DAB2IP: variants seen among roughly 807,000 people sequenced by gnomAD.
DAB2IP encodes the protein disabled homolog 2-interacting protein.
DAB2IP carries 28 observed loss-of-function variants against 107.2 expected under a neutral mutation model. That is an observed-to-expected ratio of 0.26 (90% confidence interval 0.19 to 0.36). The LOEUF (loss-of-function observed/expected upper bound fraction) is 0.36, where lower values mean the gene tolerates loss of function less well. Among genes scored for constraint, DAB2IP ranks in the 10% least tolerant of loss-of-function variants. The probability of loss-of-function intolerance (pLI) is 1.00; values close to 1 mark genes in which losing one functional copy is unlikely to be tolerated. For synonymous variants in DAB2IP, 755 were observed against 706.4 expected (o/e 1.07, Z -1.09); for missense variants, 1,400 against 1,644.7 (o/e 0.85, Z 2.57).
At chr9:121,779,741 G>A (rs1186299971) in intron 14 of DAB2IP, among the ~76,000 whole-genome samples, 1 of 152,164 alleles carries the variant, frequency 6.6e-6, no homozygotes, top group Non-Finnish European at 1.5e-5. Flanking sequence ...CCTTTCTGAC[G>A]GTTCTTGCCT....
intron 1 of DAB2IP, among the ~76,000 whole-genome samples, chr9:121,590,531 CT>C (rs1192544686): frequency 7.2e-5 from 11 of 152,114 alleles, no homozygotes; most frequent in African/African-American, 2.7e-4. Context: ...GTGCAAGTTG[CT>C]TAAAATCTGA....
intron 1 of DAB2IP, among the ~76,000 whole-genome samples, chr9:121,614,332 CTTTTCTTTT>C (rs1417321005): frequency 1.3e-5 from 1 of 79,764 alleles, no homozygotes; most frequent in African/African-American, 3.6e-5. Flanking sequence ...GCACTTCTTT[CTTTTCTTTT>C]TTTTTTTTTT....
intron 1 of DAB2IP, among the ~76,000 whole-genome samples, chr9:121,583,132 A>G (rs778803991): frequency 1.6e-4 from 24 of 152,222 alleles, no homozygotes; most frequent in Non-Finnish European, 1.9e-4. Context: ...TCACCCCTTA[A>G]TCCCAACACT....
intron 1 of DAB2IP, among the ~76,000 whole-genome samples, chr9:121,643,378 C>G (rs1832428578): frequency 6.6e-6 from 1 of 152,130 alleles, no homozygotes; most frequent in African/African-American, 2.4e-5. Flanking sequence ...GATCTCCCAC[C>G]AGAGTTCTGC....
At chr9:121,645,857 C>A (rs1280251760) in intron 1 of DAB2IP, among the ~76,000 whole-genome samples, 1 of 152,142 alleles carries the variant, frequency 6.6e-6, no homozygotes, top group African/African-American at 2.4e-5. Context: ...TGGAGGGGAC[C>A]TGTAGGTGGC....
chr9:121,667,248 A>G (rs922761105), intron 1 of DAB2IP, among the ~76,000 whole-genome samples: 31 of 151,190 alleles, frequency 2.1e-4, no homozygotes, highest in Non-Finnish European at 1.9e-4. Flanking sequence ...CTGACCTCAA[A>G]TGATCCACCC....
chr9:121,729,002 A>G (rs1831378657), intron 3 of DAB2IP, among the ~76,000 whole-genome samples: 1 of 152,222 alleles, frequency 6.6e-6, no homozygotes, highest in African/African-American at 2.4e-5. Flanking sequence ...ATTCTCTGGC[A>G]TGCTTTTCAC....
chr9:121,738,391 T>G (rs1460564519), intron 3 of DAB2IP, among the ~76,000 whole-genome samples: 1 of 152,224 alleles, frequency 6.6e-6, no homozygotes, highest in Non-Finnish European at 1.5e-5. Flanking sequence ...CTAAAACTTT[T>G]ATTGATCCAG....
chr9:121,603,016 G>GT (rs1328757129), intron 1 of DAB2IP, among the ~76,000 whole-genome samples: 1 of 152,198 alleles, frequency 6.6e-6, no homozygotes, highest in Non-Finnish European at 1.5e-5. Flanking sequence ...CCTCTGCTCA[G>GT]TTTTTTCACC....
intron 1 of DAB2IP, among the ~76,000 whole-genome samples, chr9:121,610,455 AGAG>A (rs1044715373): frequency 6.6e-6 from 1 of 152,136 alleles, no homozygotes; most frequent in Non-Finnish European, 1.5e-5. Context: ...TGAGTCCCAG[AGAG>A]GAGGAGTGAC....
Position 121,668,810 on chromosome 9 carries a change from C to T in DAB2IP, c.125-9868C>T, listed in dbSNP as rs1589483273. Among the ~76,000 whole-genome samples the T allele has an allele frequency of 2.7e-5, 4 of 150,510 alleles. No homozygotes were observed. In the South Asian group the frequency reaches 8.3e-4, roughly 31 times the overall value. ...GGCTACTGTGTAATATGATATTTTT[C>T]TATGTAAGTGCATGCACATGTAAAC... On this transcript the variant is annotated intron_variant, in intron 1 of 15. Coordinates refer to ENST00000408936, the Ensembl canonical transcript of DAB2IP.
chr9:121,757,158 T>A, exon 4 of DAB2IP: 2 of 1,613,808 alleles, frequency 1.2e-6, no homozygotes, highest in Non-Finnish European at 1.7e-6. Flanking sequence ...CCAGGACTAC[T>A]GCTTCGAGGT....
intron 1 of DAB2IP, among the ~76,000 whole-genome samples, chr9:121,639,061 A>G (rs778628584): frequency 1.3e-5 from 2 of 152,224 alleles, no homozygotes; most frequent in Non-Finnish European, 2.9e-5. Context: ...ATCCTAGGCT[A>G]GGACTAGAGT....
chr9:121,747,112 C>G (rs1007166404), intron 3 of DAB2IP, among the ~76,000 whole-genome samples: 7 of 152,062 alleles, frequency 4.6e-5, no homozygotes, highest in African/African-American at 1.7e-4. Flanking sequence ...GGTTGGAGCC[C>G]CAGGTGCTGT....
At chr9:121,762,694 C>CT (rs1258779487) in intron 6 of DAB2IP, among the ~76,000 whole-genome samples, 2 of 152,214 alleles carry the variant, frequency 1.3e-5, no homozygotes, top group Non-Finnish European at 2.9e-5. Flanking sequence ...GTCACCCTCC[C>CT]TTGAAACTAT....
chr9:121,582,769 A>G (rs1231247704), intron 1 of DAB2IP, among the ~76,000 whole-genome samples: 1 of 152,102 alleles, frequency 6.6e-6, no homozygotes, highest in Non-Finnish European at 1.5e-5. Context: ...CCTCCTCCCT[A>G]CGTGCATTCA....
chr9:121,598,337 G>C (rs1487132099), intron 1 of DAB2IP: 2 of 152,438 alleles, frequency 1.3e-5, no homozygotes, highest in South Asian at 4.1e-4. Context: ...TGCCCAGCTC[G>C]ACCTGCGAGC....
intron 1 of DAB2IP, among the ~76,000 whole-genome samples, chr9:121,655,132 G>A (rs1460890077): frequency 2.6e-5 from 4 of 152,090 alleles, no homozygotes; most frequent in African/African-American, 4.8e-5. Flanking sequence ...AGAGCACGAA[G>A]CTGGAGGGTA....
intron 1 of DAB2IP, among the ~76,000 whole-genome samples, chr9:121,602,568 ATTTGT>A (rs60719164): frequency 2.7e-5 from 4 of 150,324 alleles, no homozygotes; most frequent in East Asian, 2.0e-4. Flanking sequence ...CAATTTTTAA[ATTTGT>A]TTTGTTTTGT....
Sources: gnomAD v4.1 joint callset for allele counts (sites outside exome capture counted in the v4.1 genomes callset) on GRCh38, gnomAD v4.1.1 for gene constraint, MANE v1.5 for transcripts, NCBI Gene and HGNC (gene_info 2026-07-23, HGNC 2026-07-21) for gene names.